The following RERE variants were observed in gnomAD, a reference collection of about 807,000 sequenced individuals.
The protein encoded by RERE is arginine-glutamic acid dipeptide repeats protein.
In RERE, 40 loss-of-function variants were observed where a neutral mutation model predicts 146.1. The observed-to-expected ratio is 0.27, with a 90% CI of 0.21 to 0.36. The LOEUF (loss-of-function observed/expected upper bound fraction) is 0.36. Among genes scored for constraint, RERE ranks in the 10% least tolerant of loss-of-function variants. RERE has a pLI of 1.00. For missense variants in RERE, 1,933 were observed against 2,138.7 expected (o/e 0.90, Z 1.90); for synonymous variants, 1,003 against 866.0 (o/e 1.16, Z -2.78).
At chr1:8,632,193 CAGT>C (rs1647043475) in intron 2 of RERE, among the ~76,000 whole-genome samples, 1 of 152,138 alleles carries the variant, frequency 6.6e-6, no homozygotes, top group Admixed American at 6.5e-5. Context: ...ACATTGTGCC[CAGT>C]ATTTATAGGA....
chr1:8,501,037 G>A (rs1289476825), intron 8 of RERE, among the ~76,000 whole-genome samples: 13 of 136,118 alleles, frequency 9.6e-5, no homozygotes, highest in African/African-American at 3.1e-4. Flanking sequence ...CGGGAGGGGG[G>A]GGGGGGGTCA....
intron 1 of RERE, among the ~76,000 whole-genome samples, chr1:8,783,233 G>A (rs965614283): frequency 6.6e-6 from 1 of 152,126 alleles, no homozygotes; most frequent in African/African-American, 2.4e-5. Flanking sequence ...TACTTGGGAG[G>A]CTGAGGTAGA....
rs1292868229 is a variant in RERE, at chr1:8,604,594, AAGGAAGGGAGGG to A, written c.522+9955_522+9966del. Among the ~76,000 whole-genome samples the A allele has an allele frequency of 4.7e-4, 38 of 80,754 alleles. 1 individual carries two copies. Among genetic ancestry groups the A allele is most frequent in the East Asian group, 3.1e-3 (8 of 2,588 alleles). 53.0% of individuals were successfully genotyped at this position (80,754 alleles called of 152,430 possible). A position where few individuals can be genotyped will look rare whatever the true frequency, so the allele number is the denominator to read the frequency against. ...TAAAAAAAGAAGGAAGGAAGGAAGG[AAGGAAGGGAGGG>A]AGGGAGGGAGGGAGGGAGGAAGGAA... On this transcript the variant is annotated intron_variant, in intron 4 of 22. Coordinates refer to ENST00000400908, the MANE Select transcript of RERE (RefSeq NM_001042681.2).
chr1:8,395,552 T>C (rs1242263612), intron 12 of RERE, among the ~76,000 whole-genome samples: 1 of 151,524 alleles, frequency 6.6e-6, no homozygotes, highest in Non-Finnish European at 1.5e-5. Context: ...TGCTCAGCTA[T>C]GCAGGCACCT....
At position 8,585,146 on chromosome 1, in the gene RERE, C is replaced by CAAAAAAAAAAAA. The variant is rs3082123; in HGVS notation, c.523-27635_523-27624dup. On this transcript the variant is annotated intron_variant, in intron 4 of 22. Coordinates refer to ENST00000400908, the MANE Select transcript of RERE (RefSeq NM_001042681.2). ...TGGGCAACGGAGCAAGACTCCATCTCAAAAAAAAAAAAAAAGAAGTAATTA... is the reference window on the plus strand; with the variant it reads ...TGGGCAACGGAGCAAGACTCCATCTCAAAAAAAAAAAAAAAAAAAAAAAAAAAGAAGTAATTA... Among the ~76,000 whole-genome samples, 248 of 130,042 alleles carry CAAAAAAAAAAAA rather than the reference C, an allele frequency of 1.9e-3. 2 individuals carry two copies. The highest frequency in any genetic ancestry group is 6.9e-3 in the African/African-American group (236 of 34,256). The allele number at this position is 130,042 out of a possible 152,430, so 85.3% of individuals were successfully genotyped here.
intron 1 of RERE, among the ~76,000 whole-genome samples, chr1:8,754,740 C>T (rs768171550): frequency 1.3e-5 from 2 of 152,200 alleles, no homozygotes; most frequent in Non-Finnish European, 2.9e-5. Context: ...TGACTGTTAA[C>T]ATCTGTCTTT....
chr1:8,464,306 A>G (rs1158668638), intron 11 of RERE, among the ~76,000 whole-genome samples: 1 of 151,920 alleles, frequency 6.6e-6, no homozygotes, highest in African/African-American at 2.4e-5. Flanking sequence ...GCCCTTGCCC[A>G]CCCTCACCCA....
rs888006084 is a variant in RERE, at chr1:8,475,974, G to C, written c.1105-9951C>G. On this transcript the variant is annotated intron_variant, in intron 10 of 22. Coordinates refer to ENST00000400908, the MANE Select transcript of RERE (RefSeq NM_001042681.2). Reference sequence around the variant, plus strand: ...AAAAGACAAAGAATTTAACTGCAGAGGGTAGGGCTTGAGAGAAAGGTCTAG... The same window carrying C: ...AAAAGACAAAGAATTTAACTGCAGACGGTAGGGCTTGAGAGAAAGGTCTAG... 5.3e-5 allele frequency among the ~76,000 whole-genome samples: 8 copies of C among 152,320 alleles called. No individual in the cohort carries two copies. The East Asian group carries it at 1.5e-3, about 29-fold the overall frequency.
At chr1:8,687,604 T>A (rs1460840243) in intron 1 of RERE, among the ~76,000 whole-genome samples, 6 of 152,210 alleles carry the variant, frequency 3.9e-5, no homozygotes, top group African/African-American at 9.7e-5. Flanking sequence ...ATGGTCAGTG[T>A]CTAACATATT....
At chr1:8,377,238 A>T (rs1642286903) in intron 12 of RERE, among the ~76,000 whole-genome samples, 1 of 152,208 alleles carries the variant, frequency 6.6e-6, no homozygotes, top group Non-Finnish European at 1.5e-5. Flanking sequence ...GTTCCAACAC[A>T]ATTTCACTTA....
chr1:8,531,901 G>A (rs756006814), intron 7 of RERE, among the ~76,000 whole-genome samples: 1 of 152,134 alleles, frequency 6.6e-6, no homozygotes, highest in South Asian at 2.1e-4. Flanking sequence ...TAATCCAATT[G>A]TACATTTTAA....
At chr1:8,567,512 T>C (rs1346605944) in intron 4 of RERE, among the ~76,000 whole-genome samples, 1 of 152,260 alleles carries the variant, frequency 6.6e-6, no homozygotes. Flanking sequence ...GTTAAACTTC[T>C]GCCGCTGTTA....
At chr1:8,406,346 T>A (rs745988949) in intron 12 of RERE, among the ~76,000 whole-genome samples, 14 of 152,096 alleles carry the variant, frequency 9.2e-5, no homozygotes, top group Non-Finnish European at 1.9e-4. Flanking sequence ...GTGCTAAGAT[T>A]ATAGGCATGA....
intron 22 of RERE, 37 bp downstream of exon 22, chr1:8,355,382 G>C: frequency 6.2e-7 from 1 of 1,602,188 alleles, no homozygotes; most frequent in South Asian, 1.1e-5. Flanking sequence ...CCTGGGCTCA[G>C]ATAACCCCTC....
chr1:8,648,826 C>T (rs1049343727), intron 2 of RERE, among the ~76,000 whole-genome samples: 11 of 151,720 alleles, frequency 7.3e-5, no homozygotes, highest in African/African-American at 2.2e-4. Context: ...GTAGAAGGAA[C>T]ACATATTCTA....
intron 1 of RERE, among the ~76,000 whole-genome samples, chr1:8,785,362 G>C (rs1299530856): frequency 2.0e-5 from 3 of 152,098 alleles, no homozygotes; most frequent in Admixed American, 1.3e-4. Flanking sequence ...CCAAACACCA[G>C]AATTCAGCAT....
intron 6 of RERE, 138 bp from the exon 7 acceptor site, chr1:8,541,456 C>T: frequency 1.7e-6 from 1 of 578,174 alleles, no homozygotes; most frequent in Non-Finnish European, 3.1e-6. Context: ...CACTTTATTT[C>T]ACCTATTCAG....
At chr1:8,471,937 G>C (rs1644692303) in intron 10 of RERE, among the ~76,000 whole-genome samples, 2 of 152,160 alleles carry the variant, frequency 1.3e-5, no homozygotes, top group African/African-American at 2.4e-5. Flanking sequence ...TCAGCATCCA[G>C]AGTAGCTGGG....
At chr1:8,736,043 A>T (rs1269775815) in intron 1 of RERE, among the ~76,000 whole-genome samples, 4 of 152,232 alleles carry the variant, frequency 2.6e-5, no homozygotes, top group African/African-American at 9.6e-5. Context: ...ACACAAAGAA[A>T]TGGATAGAGG....
Sources: gnomAD v4.1 joint callset for allele counts (sites outside exome capture counted in the v4.1 genomes callset) on GRCh38, gnomAD v4.1.1 for gene constraint, MANE v1.5 for transcripts, NCBI Gene and HGNC (gene_info 2026-07-23, HGNC 2026-07-21) for gene names.